Variants in NSD3 observed in about 807,000 individuals in gnomAD.
NSD3 encodes the protein histone-lysine N-methyltransferase NSD3.
Under a neutral mutation model 160.8 loss-of-function variants are expected in NSD3, and 24 were observed. The observed-to-expected ratio is 0.15, with a 90% confidence interval of 0.11 to 0.21. The LOEUF (loss-of-function observed/expected upper bound fraction) is 0.21, where lower values mean the gene tolerates loss of function less well. NSD3 is among the 10% of genes least tolerant of loss of function. The pLI is 1.00. For missense variants in NSD3, 1,157 were observed against 1,735.9 expected (o/e 0.67, Z 5.93); for synonymous variants, 520 against 600.0 (o/e 0.87, Z 1.95).
Position 38,317,813 on chromosome 8 carries a change from G to A in NSD3, c.1855+1082C>T, listed in dbSNP as rs1423001701. The A allele has an allele frequency of 1.4e-6, 2 of 1,462,104 alleles. No individual in the cohort carries two copies. Among genetic ancestry groups the A allele is most frequent in the East Asian group, 4.9e-5 (2 of 40,536 alleles). The allele number at this position is 1,462,104 out of a possible 1,614,324, so 90.6% of individuals were successfully genotyped here. The stretch of plus-strand genomic sequence containing the variant: ...AGCAATTGTTCAGAGTCTTGAAGAA[G>A]AAACCAGGCAGGAAAATGCCAATAA... On this transcript the variant is annotated intron_variant, in intron 9 of 23. Transcript: ENST00000317025. This position sits in a 1 kb window ranked among gnomAD's most constrained non-coding sequence, Gnocchi z 5.3.
intron 2 of NSD3, among the ~76,000 whole-genome samples, chr8:38,343,122 G>C (rs1316423173): frequency 6.6e-6 from 1 of 151,786 alleles, no homozygotes; most frequent in Non-Finnish European, 1.5e-5. Flanking sequence ...CTTGAACCCG[G>C]GAGGCAAGAG....
chr8:38,326,601 A>T, intron 7 of NSD3, 129 bp downstream of exon 7: 1 of 1,141,962 alleles, frequency 8.8e-7, no homozygotes, highest in Non-Finnish European at 1.2e-6. Context: ...CTGCTTTTAT[A>T]TTTTGATTTT....
chr8:38,316,289 A>G lies in NSD3; in HGVS notation c.1856-247T>C. The G allele has an allele frequency of 1.0e-6, 1 of 958,062 alleles. No homozygotes were observed. Among genetic ancestry groups the G allele is most frequent in the South Asian group, 3.0e-5 (1 of 33,660 alleles). The allele number at this position is 958,062 out of a possible 1,614,324, so 59.3% of individuals were successfully genotyped here. On this transcript the variant is annotated intron_variant, in intron 9 of 23. Coordinates refer to ENST00000317025, the MANE Select transcript of NSD3 (RefSeq NM_023034.2). This position sits in a 1 kb window ranked among gnomAD's most constrained non-coding sequence, Gnocchi z 4.5. ...AGTTCTCCTCTCTAAAGCTATTTTC[A>G]GTCAACAGAGCCCACGTTCCAACCT...
In NSD3 at chr8:38,288,590, C is replaced by T. The variant is rs771446023; in HGVS notation, c.3398G>A (p.Arg1133His). Residue 1133 changes from arginine (R) to histidine (H), a missense_variant, in exon 19 of 24, where the codon CGT (arginine) becomes CAT (histidine). Around this residue, in one of 10 missense-constraint regions of NSD3, gnomAD observed 222 missense variants for 409.9 expected, o/e 0.54. Coordinates refer to ENST00000317025, the MANE Select transcript of NSD3 (RefSeq NM_023034.2). This position sits in a 1 kb window ranked among gnomAD's most constrained non-coding sequence, Gnocchi z 4.5. ...CHPQVCPAGD[R>H]CQNQCFTKRL... ...CTTTGTAAAGCACTGGTTCTGACAA[C>T]GATCTCCAGCTGGGCACACCTGCGG... 1.9e-6 allele frequency: 3 copies of T among 1,614,058 alleles called. No individual in the cohort carries two copies. Among genetic ancestry groups the T allele is most frequent in the East Asian group, 2.2e-5 (1 of 44,892 alleles).
At chr8:38,307,135 A>AAAATAAAT (rs1554524055) in intron 12 of NSD3, among the ~76,000 whole-genome samples, 11 of 93,656 alleles carry the variant, frequency 1.2e-4, no homozygotes, top group East Asian at 3.6e-4. Context: ...AAAATAAAAT[A>AAAATAAAT]AAATAAATAA....
chr8:38,314,872 G>C, intron 11 of NSD3, 99 bp from the exon 12 acceptor site: 1 of 1,332,100 alleles, frequency 7.5e-7, no homozygotes, highest in Non-Finnish European at 1.0e-6. Context: ...CTCACCCACA[G>C]ACTGTGATTC....
Position 38,319,181 on chromosome 8 carries a change from T to C in NSD3, c.1810-241A>G. ...CAGCCACATGCTCTCTAGCAAAGACTTTTCCCACCATTCCCTTGGTATATG... is the reference window on the plus strand; with the variant it reads ...CAGCCACATGCTCTCTAGCAAAGACCTTTCCCACCATTCCCTTGGTATATG... On this transcript the variant is annotated intron_variant, in intron 8 of 23. Transcript: ENST00000317025. This position sits in a 1 kb window ranked among gnomAD's most constrained non-coding sequence, Gnocchi z 4.1. The C allele has an allele frequency of 2.3e-6, 1 of 431,536 alleles. No individual in the cohort carries two copies. Among genetic ancestry groups the C allele is most frequent in the South Asian group, 4.4e-5 (1 of 22,756 alleles). 26.7% of individuals were successfully genotyped at this position (431,536 alleles called of 1,614,324 possible).
Position 38,343,743 on chromosome 8 carries a change from A to G in NSD3, c.675+3754T>C, listed in dbSNP as rs371551910. On this transcript the variant is annotated intron_variant, in intron 2 of 23. Transcript: ENST00000317025. ...AAATCAAATAAAAAATGTGTACAAT[A>G]AAGAACATTTTGCATATAAAGAGTT... Among the ~76,000 whole-genome samples, 8 of 152,214 alleles carry G rather than the reference A, an allele frequency of 5.3e-5. No individual in the cohort carries two copies. In the East Asian group the frequency reaches 7.7e-4, roughly 15 times the overall value.
At chr8:38,297,099 A>G (rs1029613527) in intron 15 of NSD3, among the ~76,000 whole-genome samples, 4 of 152,228 alleles carry the variant, frequency 2.6e-5, no homozygotes, top group East Asian at 1.9e-4. Flanking sequence ...TTTTGTTTAC[A>G]TAAGTCTCTT....
At chr8:38,369,492 T>A (rs980116847) in intron 1 of NSD3, among the ~76,000 whole-genome samples, 9 of 152,334 alleles carry the variant, frequency 5.9e-5, no homozygotes, top group African/African-American at 2.2e-4. Context: ...TGAAAGTGAG[T>A]TTAGCCAATT....
chr8:38,315,311 C>A (rs1393070957), intron 11 of NSD3, 105 bp downstream of exon 11: 3 of 1,303,502 alleles, frequency 2.3e-6, no homozygotes, highest in African/African-American at 1.5e-5. Context: ...AAAGTAATAT[C>A]ATAATAATTT....
intron 1 of NSD3, among the ~76,000 whole-genome samples, chr8:38,365,622 G>A (rs537181722): frequency 2.6e-5 from 4 of 152,070 alleles, no homozygotes; most frequent in Non-Finnish European, 4.4e-5. Context: ...ACAGGTGCCC[G>A]CCATCATGCC....
chr8:38,317,440 T>G lies in NSD3; in HGVS notation c.1856-1398A>C. On this transcript the variant is annotated intron_variant, in intron 9 of 23. Transcript: ENST00000317025. This position sits in a 1 kb window ranked among gnomAD's most constrained non-coding sequence, Gnocchi z 5.3. Reference sequence around the variant, plus strand: ...TAACAGAGGAACAGGAGTGCTGTACTGAGAGGCTTTCGAAGGGAAACACAG... The same window carrying G: ...TAACAGAGGAACAGGAGTGCTGTACGGAGAGGCTTTCGAAGGGAAACACAG... 1 of 1,058,504 alleles carries G rather than the reference T, an allele frequency of 9.4e-7. No homozygotes were observed. The highest frequency in any genetic ancestry group is 1.1e-6 in the Non-Finnish European group (1 of 875,002). The allele number at this position is 1,058,504 out of a possible 1,614,324, so 65.6% of individuals were successfully genotyped here. A position where few individuals can be genotyped will look rare whatever the true frequency, so the allele number is the denominator to read the frequency against.
At chr8:38,367,866 T>C (rs538646728) in intron 1 of NSD3, among the ~76,000 whole-genome samples, 6 of 152,328 alleles carry the variant, frequency 3.9e-5, no homozygotes, top group African/African-American at 1.4e-4. Context: ...AAAATCAGCA[T>C]GGCCACGATT....
At chr8:38,320,969 G>C in intron 8 of NSD3, 103 bp downstream of exon 8, 1 of 1,110,892 alleles carries the variant, frequency 9.0e-7, no homozygotes, top group Non-Finnish European at 1.3e-6. Flanking sequence ...GTCCAGAAAG[G>C]AAACTCAGTG....
chr8:38,346,952 T>C (rs1470644643), intron 2 of NSD3, among the ~76,000 whole-genome samples: 12 of 152,174 alleles, frequency 7.9e-5, no homozygotes, highest in Admixed American at 7.9e-4. Context: ...ATCTCAGATA[T>C]TAAAAAATTC....
In NSD3 at chr8:38,290,481, T is replaced by G. The variant is rs201943067; in HGVS notation, c.3112A>C (p.Lys1038Gln). The G allele has an allele frequency of 1.2e-6, 2 of 1,614,166 alleles. No homozygotes were observed. Among genetic ancestry groups the G allele is most frequent in the East Asian group, 4.5e-5 (2 of 44,888 alleles). Reference sequence around the variant, plus strand: ...TAAACATCATCCAGCTTACCCTTTTTGAAGGTCTTGTTAATACTAGTCTGC... The same window carrying G: ...TAAACATCATCCAGCTTACCCTTTTGGAAGGTCTTGTTAATACTAGTCTGC... ...EGQTSINKTF[K>Q]KALEEAAKRF... Residue 1038 changes from lysine to glutamine, a missense_variant, in exon 17 of 24, where the codon AAA (lysine) becomes CAA (glutamine). Physicochemically the swap from Lys to Gln is moderately conservative, Grantham distance 53. This residue lies in a region of NSD3 where 437 missense variants were observed against 576.6 expected (regional missense o/e 0.76). Coordinates refer to ENST00000317025, the MANE Select transcript of NSD3 (RefSeq NM_023034.2).
In NSD3 at chr8:38,317,136, G is replaced by A. The variant is rs1563352788; in HGVS notation, c.1856-1094C>T. On this transcript the variant is annotated intron_variant, in intron 9 of 23. Coordinates refer to ENST00000317025, the MANE Select transcript of NSD3 (RefSeq NM_023034.2). The surrounding 1 kb of genome is among the most constrained non-coding windows in gnomAD (Gnocchi z 5.3). The stretch of plus-strand genomic sequence containing the variant: ...AGGCCATGAAGATCCGCAACAGGCT[G>A]AGTGAGAGTAGCACTTGGAACATAG... The A allele has an allele frequency of 9.4e-7, 1 of 1,062,748 alleles. No individual in the cohort carries two copies. Among genetic ancestry groups the A allele is most frequent in the African/African-American group, 1.6e-5 (1 of 60,936 alleles). The allele number at this position is 1,062,748 out of a possible 1,614,324, so 65.8% of individuals were successfully genotyped here.
chr8:38,361,481 C>A (rs1439962912), intron 1 of NSD3, among the ~76,000 whole-genome samples: 1 of 150,836 alleles, frequency 6.6e-6, no homozygotes, highest in African/African-American at 2.4e-5. Context: ...AGGGGCCGGG[C>A]GCGGTGGCTC....
Sources: allele counts gnomAD v4.1 joint callset (sites outside exome capture counted in the v4.1 genomes callset), GRCh38; gene constraint gnomAD v4.1.1; regional missense constraint gnomAD v4.1.1; non-coding constraint Gnocchi (gnomAD v3.1); transcripts MANE v1.5; gene names NCBI Gene and HGNC (gene_info 2026-07-23, HGNC 2026-07-21).